Variants in ABI2 observed in about 807,000 individuals in gnomAD.
ABI2 encodes abelson interactor 2.
ABI2 carries 25 observed loss-of-function variants against 59.2 expected under a neutral mutation model. The observed-to-expected ratio is 0.42, with a 90% CI of 0.31 to 0.59. The LOEUF (loss-of-function observed/expected upper bound fraction) is 0.59. Among genes scored for constraint, ABI2 ranks in the 20% least tolerant of loss-of-function variants. The pLI, the probability that ABI2 is intolerant of heterozygous loss-of-function variation, is 0.14. For missense variants in ABI2, 545 were observed against 681.8 expected, an observed-to-expected ratio of 0.80 and a Z score of 2.23; for synonymous variants, 213 against 235.5, an observed-to-expected ratio of 0.90 and a Z score of 0.87.
chr2:203,398,839 A>G (rs1445980447), intron 8 of ABI2, among the ~76,000 whole-genome samples: 1 of 152,000 alleles, frequency 6.6e-6, no homozygotes. Context: ...TTTTGGCCAG[A>G]TGCATTTGAG....
rs1307084353 is a variant in ABI2 at position 203,429,589 on chromosome 2, T to A, written c.*2237T>A. ...CTGGCCAACATGGTGAAACCCCATC[T>A]CTACTAAAAACACAAAAATTAGCTG... is the stretch of plus-strand genomic sequence containing the variant. On this transcript the variant is annotated 3_prime_UTR_variant, in exon 12 of 12. Transcript: ENST00000261018. 1 of 151,896 alleles carries A rather than the reference T, an allele frequency of 6.6e-6. No homozygotes were observed. The highest frequency in any genetic ancestry group is 1.5e-5 in the Non-Finnish European group (1 of 67,990). 9.4% of individuals were successfully genotyped at this position (151,896 alleles called of 1,614,324 possible).
chr2:203,424,915 A>G (rs952931642), intron 11 of ABI2, among the ~76,000 whole-genome samples: 8 of 151,984 alleles, frequency 5.3e-5, no homozygotes, highest in Non-Finnish European at 1.5e-5. Flanking sequence ...TCTGTTACCC[A>G]GGCTAGAGTG....
chr2:203,335,052 A>G (rs935036427), intron 1 of ABI2, among the ~76,000 whole-genome samples: 1 of 152,064 alleles, frequency 6.6e-6, no homozygotes, highest in Non-Finnish European at 1.5e-5. Context: ...AACACATTCT[A>G]TTTTGGATTT....
chr2:203,360,208 G>A (rs189064892), intron 1 of ABI2, among the ~76,000 whole-genome samples: 9 of 117,174 alleles, frequency 7.7e-5, no homozygotes, highest in African/African-American at 1.2e-4. Context: ...AAAAAAAAAA[G>A]AAGCAGTTGT....
intron 11 of ABI2, among the ~76,000 whole-genome samples, chr2:203,421,287 T>A (rs762075158): frequency 2.6e-5 from 4 of 152,190 alleles, no homozygotes; most frequent in Admixed American, 6.5e-5. Flanking sequence ...TTTACATAAA[T>A]AAGCAGATAC....
At chr2:203,331,240 C>G (rs546841247) in intron 1 of ABI2, among the ~76,000 whole-genome samples, 3 of 151,344 alleles carry the variant, frequency 2.0e-5, no homozygotes, top group Non-Finnish European at 4.4e-5. Context: ...TGGATTTGTG[C>G]TGATCCAGCT....
chr2:203,351,910 G>T (rs1045292144), intron 1 of ABI2, among the ~76,000 whole-genome samples: 1 of 152,188 alleles, frequency 6.6e-6, no homozygotes, highest in African/African-American at 2.4e-5. Context: ...CAGCATATAT[G>T]ATGGTGGTCC....
At chr2:203,331,466 C>T (rs865967407) in intron 1 of ABI2, among the ~76,000 whole-genome samples, 2 of 142,228 alleles carry the variant, frequency 1.4e-5, no homozygotes, top group African/African-American at 2.5e-5. Context: ...TCAAGCGATT[C>T]TTCTGCCTCA....
chr2:203,385,829 T>C (rs757608558), intron 4 of ABI2, among the ~76,000 whole-genome samples: 16 of 152,220 alleles, frequency 1.1e-4, no homozygotes, highest in Non-Finnish European at 2.1e-4. Flanking sequence ...CAGGAGTTTG[T>C]CCATCTTTAT....
intron 6 of ABI2, chr2:203,395,204 A>T (rs1447753432): frequency 6.6e-6 from 4 of 602,046 alleles, no homozygotes; most frequent in Non-Finnish European, 1.2e-5. Context: ...ACATCAGAGT[A>T]TGATTATTAA....
In ABI2 at chr2:203,395,801, C is replaced by T. The variant is rs199624030; in HGVS notation, c.850+21C>T. On this transcript the variant is annotated intron_variant, in intron 7 of 11. Transcript: ENST00000261018. ...TCCAGGTAAAACATTCATGGTGCCT[C>T]GTCTTCACTTTTCCTTTCTGAATTT... The T allele has an allele frequency of 8.4e-4, 1,301 of 1,554,284 alleles. 1 individual carries two copies. The highest frequency in any genetic ancestry group is 1.1e-3 in the Non-Finnish European group (1,228 of 1,148,798).
At chr2:203,370,186 T>TTCTCTCTCTCTC (rs71007509) in intron 2 of ABI2, among the ~76,000 whole-genome samples, 310 of 136,688 alleles carry the variant, frequency 2.3e-3, no homozygotes, top group South Asian at 6.8e-3. Context: ...CATTCTCCTA[T>TTCTCTCTCTCTC]TCTCTCTCTC....
intron 2 of ABI2, among the ~76,000 whole-genome samples, chr2:203,377,065 C>T (rs1430831966): frequency 6.6e-6 from 1 of 152,150 alleles, no homozygotes; most frequent in Non-Finnish European, 1.5e-5. Flanking sequence ...TGCCTATAAT[C>T]CCAGCACTTT....
At chr2:203,374,980 C>T in intron 2 of ABI2, 1 of 348,710 alleles carries the variant, frequency 2.9e-6, no homozygotes. Context: ...TGAGCATGTG[C>T]TTGGGTTCAT....
At chr2:203,391,330 A>C (rs1332162440) in intron 5 of ABI2, among the ~76,000 whole-genome samples, 187 bp downstream of exon 5, 2 of 152,216 alleles carry the variant, frequency 1.3e-5, no homozygotes, top group African/African-American at 4.8e-5. Context: ...ATTTGTTTAG[A>C]AATTGTTTTT....
intron 1 of ABI2, among the ~76,000 whole-genome samples, chr2:203,341,385 T>C (rs557445430): frequency 6.6e-6 from 1 of 152,270 alleles, no homozygotes; most frequent in South Asian, 2.1e-4. Context: ...AGATCTTTTC[T>C]AGTAAGCATT....
chr2:203,426,954 T>C (rs1479620990), intron 11 of ABI2, among the ~76,000 whole-genome samples: 1 of 152,018 alleles, frequency 6.6e-6, no homozygotes, highest in African/African-American at 2.4e-5. Context: ...TTTTCCCCAT[T>C]TGTACTCAAT....
At chr2:203,337,163 GA>G (rs2076837465) in intron 1 of ABI2, among the ~76,000 whole-genome samples, 1 of 152,144 alleles carries the variant, frequency 6.6e-6, no homozygotes, top group African/African-American at 2.4e-5. Flanking sequence ...AGTTAGGAAA[GA>G]AAAATAAACA....
chr2:203,411,459 C>A, intron 10 of ABI2, 88 bp downstream of exon 10: 2 of 1,000,322 alleles, frequency 2.0e-6, no homozygotes, highest in Non-Finnish European at 3.1e-6. Flanking sequence ...CATTCATTTG[C>A]TGATACTTCA....
Sources: gnomAD v4.1 joint callset for allele counts (sites outside exome capture counted in the v4.1 genomes callset) on GRCh38, gnomAD v4.1.1 for gene constraint, MANE v1.5 for transcripts, NCBI Gene and HGNC (gene_info 2026-07-23, HGNC 2026-07-21) for gene names.